DROSHA: variants seen among roughly 807,000 people sequenced by gnomAD.
DROSHA encodes the protein ribonuclease 3.
DROSHA carries 56 observed loss-of-function variants against 181.9 expected under a neutral mutation model. The ratio of observed to expected loss-of-function variants is 0.31; its 90% CI spans 0.25 to 0.38. DROSHA has a LOEUF of 0.38. Ranked by LOEUF, DROSHA falls within the 10% of genes least tolerant of loss-of-function variation. The pLI is 1.00. For synonymous variants in DROSHA, 524 were observed against 591.2 expected, an observed-to-expected ratio of 0.89 and a Z score of 1.65; for missense variants, 1,218 against 1,743.5, an observed-to-expected ratio of 0.70 and a Z score of 5.37.
intron 17 of DROSHA, among the ~76,000 whole-genome samples, 153 bp from the exon 18 acceptor site, chr5:31,468,216 A>T (rs1487471338): frequency 6.6e-6 from 1 of 152,226 alleles, no homozygotes; most frequent in African/African-American, 2.4e-5. Flanking sequence ...TACAGCAGCT[A>T]TACTATCTAA....
In DROSHA at chr5:31,466,415, T is replaced by C. The variant is rs929566679; in HGVS notation, c.2367-134A>G. The stretch of plus-strand genomic sequence containing the variant: ...GATTATTCTTAATGGCAGAAAGCCA[T>C]CATTCTAAGGAAGGCTATGACTTTG... On this transcript the variant is annotated intron_variant, in intron 18 of 35. Coordinates refer to ENST00000344624, the MANE Select transcript of DROSHA (RefSeq NM_001382508.1). The C allele has an allele frequency of 1.3e-5, 10 of 740,750 alleles. No individual in the cohort carries two copies. The African/African-American group carries it at 1.8e-4, about 13-fold the overall frequency. 45.9% of individuals were successfully genotyped at this position (740,750 alleles called of 1,614,324 possible).
chr5:31,452,894 G>T (rs1554030299), intron 20 of DROSHA, among the ~76,000 whole-genome samples: 1 of 152,196 alleles, frequency 6.6e-6, no homozygotes, highest in Non-Finnish European at 1.5e-5. Context: ...TGAATTATCG[G>T]CACTTTATCC....
intron 20 of DROSHA, among the ~76,000 whole-genome samples, chr5:31,456,851 T>G (rs1053767561): frequency 6.6e-5 from 10 of 151,974 alleles, no homozygotes; most frequent in African/African-American, 2.4e-4. Context: ...AGCCCCAAAC[T>G]CCTGGGCTCA....
chr5:31,437,614 G>A (rs369580249), intron 23 of DROSHA, among the ~76,000 whole-genome samples: 15 of 151,974 alleles, frequency 9.9e-5, no homozygotes, highest in African/African-American at 3.6e-4. Flanking sequence ...CTACTATCAG[G>A]TAGAAGACAT....
intron 6 of DROSHA, among the ~76,000 whole-genome samples, chr5:31,519,539 T>C (rs1739646987): frequency 6.6e-6 from 1 of 152,154 alleles, no homozygotes; most frequent in Admixed American, 6.5e-5. Context: ...TGTTTTTAAT[T>C]ACCATGTTGA....
At chr5:31,515,891 C>G (rs995672111) in intron 6 of DROSHA, among the ~76,000 whole-genome samples, 2 of 152,210 alleles carry the variant, frequency 1.3e-5, no homozygotes, top group Admixed American at 1.3e-4. Context: ...GAAAAAACAA[C>G]TCCATCTCCC....
intron 8 of DROSHA, among the ~76,000 whole-genome samples, chr5:31,511,850 A>G (rs938263034): frequency 6.6e-6 from 1 of 152,096 alleles, no homozygotes; most frequent in Non-Finnish European, 1.5e-5. Flanking sequence ...AAAATCACTG[A>G]TAACCTATCT....
chr5:31,408,543 G>A (rs561492952), intron 33 of DROSHA, among the ~76,000 whole-genome samples: 3 of 152,152 alleles, frequency 2.0e-5, no homozygotes, highest in South Asian at 4.1e-4. Flanking sequence ...ACCACTCAAA[G>A]GATAAAGATA....
rs757370835 is a variant in DROSHA, at chr5:31,526,648, G to T, written c.285C>A (p.Pro95=). ...MPPSAQGPLP[P]CPIRPPFPNH... ...TGGGGAAAGGCGGCCTGATTGGGCA[G>T]GGGGGAAGAGGGCCTTGCGCTGACG... is the stretch of plus-strand genomic sequence containing the variant. Residue 95 remains proline (P), a synonymous_variant, in exon 5 of 36, where the codon CCC becomes CCA. Coordinates refer to ENST00000344624, the MANE Select transcript of DROSHA (RefSeq NM_001382508.1). 2.0e-5 allele frequency: 31 copies of T among 1,520,216 alleles called. No individual in the cohort carries two copies. The South Asian group carries it at 4.1e-4, about 20-fold the overall frequency. The allele number at this position is 1,520,216 out of a possible 1,614,324, so 94.2% of individuals were successfully genotyped here.
In DROSHA at chr5:31,520,742, T is replaced by C. The variant is rs568505054; in HGVS notation, c.947+381A>G. Reference sequence around the variant, plus strand: ...ATTACACCCTTTAAGTTTTGGGTGATAGCAATCTCAATGTCATTTTCTAAT... The same window carrying C: ...ATTACACCCTTTAAGTTTTGGGTGACAGCAATCTCAATGTCATTTTCTAAT... On this transcript the variant is annotated intron_variant, in intron 6 of 35. Transcript: ENST00000344624. 2.6e-5 allele frequency among the ~76,000 whole-genome samples: 4 copies of C among 152,202 alleles called. No individual in the cohort carries two copies. In the South Asian group the frequency reaches 6.2e-4, roughly 24 times the overall value.
intron 28 of DROSHA, among the ~76,000 whole-genome samples, chr5:31,423,698 G>A (rs1743066441): frequency 6.6e-6 from 1 of 152,082 alleles, no homozygotes; most frequent in African/African-American, 2.4e-5. Flanking sequence ...ATTTCTTACT[G>A]TAAAGCCTCT....
rs1293398964 is a variant in DROSHA, at chr5:31,529,060, G to C, written c.-1C>G. 3 of 1,613,010 alleles carry C rather than the reference G, an allele frequency of 1.9e-6. No individual in the cohort carries two copies. The highest frequency in any genetic ancestry group is 3.3e-5 in the Admixed American group (2 of 59,926). On this transcript the variant is annotated 5_prime_UTR_variant, in exon 4 of 36. It adds an upstream start codon to the 5' untranslated region. Transcript: ENST00000344624. ...CTCACCATGTGTTTCCCTGCATCAT[G>C]ATGTTCCGCCTGGATATGTCACATC...
rs767966111 is a variant in DROSHA at position 31,468,012 on chromosome 5, C to T, written c.2293G>A (p.Asp765Asn). 5 of 1,611,564 alleles carry T rather than the reference C, an allele frequency of 3.1e-6. No homozygotes were observed. The African/African-American group carries it at 4.0e-5, about 13-fold the overall frequency. ...ACGATAATCGGAAAAGTAATCACAT[C>T]GGGGTTGAACTGTTCACGATCCAGT... ...DQLDREQFNPDVITFPIIVHF... is the reference protein window; with the variant it reads ...DQLDREQFNPNVITFPIIVHF... Residue 765 changes from aspartate to asparagine, a missense_variant, in exon 18 of 36, where the codon GAT becomes AAT. By Grantham distance (23) the Asp-to-Asn change is conservative (BLOSUM62 1). This residue lies in a region of DROSHA where 460 missense variants were observed against 774.2 expected (regional missense o/e 0.59). Coordinates refer to ENST00000344624, the MANE Select transcript of DROSHA (RefSeq NM_001382508.1).
chr5:31,467,247 T>C (rs1749159212), intron 18 of DROSHA: 1 of 151,656 alleles, frequency 6.6e-6, no homozygotes, highest in South Asian at 2.1e-4. Flanking sequence ...TATTTATGAA[T>C]TGAAAATCTC....
At position 31,470,178 on chromosome 5, in the gene DROSHA, C is replaced by T. The variant is rs79985079; in HGVS notation, c.2241+1885G>A. 0.013 allele frequency among the ~76,000 whole-genome samples: 1,936 copies of T among 152,274 alleles called. 31 individuals are homozygous for T. The highest frequency in any genetic ancestry group is 0.044 in the Middle Eastern group (13 of 294). On this transcript the variant is annotated intron_variant, in intron 17 of 35. Transcript: ENST00000344624. The surrounding 1 kb of genome is among the most constrained non-coding windows in gnomAD (Gnocchi z 4.0). ...TAAAAATCTTTCATACTGACTAGGT[C>T]TGACTTCATGTTGTTAATACTGGCT...
Position 31,514,485 on chromosome 5 carries a change from TA to T in DROSHA, c.1290+502del, listed in dbSNP as rs1372153673. Among the ~76,000 whole-genome samples the T allele has an allele frequency of 6.6e-6, 1 of 150,380 alleles. No individual in the cohort carries two copies. Among genetic ancestry groups the T allele is most frequent in the Admixed American group, 6.6e-5 (1 of 15,066 alleles). On this transcript the variant is annotated intron_variant, in intron 8 of 35. Coordinates refer to ENST00000344624, the MANE Select transcript of DROSHA (RefSeq NM_001382508.1). This position sits in a 1 kb window ranked among gnomAD's most constrained non-coding sequence, Gnocchi z 4.4. ...GTATGACCTCATCTCTACTAAAAAATAAAAAAAAATTAGCCAGTCATGGTGG... is the reference window on the plus strand; with the variant it reads ...GTATGACCTCATCTCTACTAAAAAATAAAAAAAATTAGCCAGTCATGGTGG...
chr5:31,464,397 G>A, intron 19 of DROSHA, 54 bp from the exon 20 acceptor site: 2 of 1,499,002 alleles, frequency 1.3e-6, no homozygotes, highest in East Asian at 4.5e-5. Context: ...GCAATAGTAA[G>A]CCAAACATCA....
intron 3 of DROSHA, among the ~76,000 whole-genome samples, 191 bp from the exon 4 acceptor site, chr5:31,529,296 G>A (rs1740945525): frequency 6.6e-6 from 1 of 152,118 alleles, no homozygotes. Context: ...ATTTTAAAAT[G>A]TCATTATTAC....
intron 16 of DROSHA, among the ~76,000 whole-genome samples, chr5:31,478,058 T>C (rs1750612127): frequency 6.6e-6 from 1 of 152,134 alleles, no homozygotes; most frequent in Admixed American, 6.5e-5. Flanking sequence ...CAGTTAGATA[T>C]TATAATAAAC....
Sources: allele counts gnomAD v4.1 joint callset (sites outside exome capture counted in the v4.1 genomes callset), GRCh38; gene constraint gnomAD v4.1.1; regional missense constraint gnomAD v4.1.1; non-coding constraint Gnocchi (gnomAD v3.1); transcripts MANE v1.5; gene names NCBI Gene and HGNC (gene_info 2026-07-23, HGNC 2026-07-21).